SORCS1: variants seen among roughly 807,000 people sequenced by gnomAD.
SORCS1 encodes sortilin related VPS10 domain containing receptor 1.
Under a neutral mutation model 146.1 loss-of-function variants are expected in SORCS1, and 60 were observed. The ratio of observed to expected loss-of-function variants is 0.41; its 90% CI spans 0.33 to 0.51. SORCS1 has a LOEUF of 0.51. SORCS1 is among the 20% of genes least tolerant of loss of function. The pLI, the probability that SORCS1 is intolerant of heterozygous loss-of-function variation, is 0.21. For synonymous variants in SORCS1, 637 were observed against 584.0 expected, an observed-to-expected ratio of 1.09 and a Z score of -1.31; for missense variants, 1,352 against 1,487.6, an observed-to-expected ratio of 0.91 and a Z score of 1.50.
At chr10:106,739,658 A>AAT (rs1368059843) in intron 5 of SORCS1, among the ~76,000 whole-genome samples, 3 of 150,944 alleles carry the variant, frequency 2.0e-5, no homozygotes, top group East Asian at 3.9e-4. Context: ...ATACAAAAAA[A>AAT]ATATATATAT....
At chr10:106,927,954 C>T (rs1160363830) in intron 2 of SORCS1, among the ~76,000 whole-genome samples, 1 of 152,254 alleles carries the variant, frequency 6.6e-6, no homozygotes, top group Non-Finnish European at 1.5e-5. Flanking sequence ...GAGCTAGACA[C>T]AGAGTGCCAA....
At chr10:106,610,398 C>T (rs1028345677) in intron 22 of SORCS1, among the ~76,000 whole-genome samples, 12 of 152,052 alleles carry the variant, frequency 7.9e-5, no homozygotes, top group East Asian at 3.9e-4. Flanking sequence ...TCTGAAATCA[C>T]GGTTTCAACA....
chr10:106,881,482 A>G (rs2137726999), intron 2 of SORCS1, among the ~76,000 whole-genome samples: 1 of 152,342 alleles, frequency 6.6e-6, no homozygotes, highest in East Asian at 1.9e-4. Context: ...CTTTTCAGAG[A>G]AAAAAGCTTG....
chr10:106,687,373 T>C (rs1046118770), intron 10 of SORCS1, among the ~76,000 whole-genome samples: 10 of 152,174 alleles, frequency 6.6e-5, no homozygotes, highest in African/African-American at 1.2e-4. Flanking sequence ...GTAAGGCAAC[T>C]AAAAGAAAGC....
chr10:106,791,426 G>A (rs560895285), intron 3 of SORCS1, among the ~76,000 whole-genome samples: 76 of 152,234 alleles, frequency 5.0e-4, no homozygotes, highest in African/African-American at 1.6e-3. Flanking sequence ...GGCCAGGTAC[G>A]GTGGCTCACA....
intron 9 of SORCS1, among the ~76,000 whole-genome samples, chr10:106,690,396 T>A (rs746548230): frequency 2.0e-4 from 30 of 152,212 alleles, no homozygotes; most frequent in Non-Finnish European, 3.8e-4. Flanking sequence ...GCAGAAGGAA[T>A]AAAAATGTTA....
intron 24 of SORCS1, among the ~76,000 whole-genome samples, chr10:106,592,822 C>T (rs1246324798): frequency 6.6e-6 from 1 of 151,194 alleles, no homozygotes; most frequent in African/African-American, 2.4e-5. Flanking sequence ...TTCCTAGCCA[C>T]CCAAATATTA....
upstream of SORCS1, among the ~76,000 whole-genome samples, chr10:107,164,810 G>A (rs1425936643): frequency 4.7e-5 from 7 of 148,080 alleles, no homozygotes; most frequent in East Asian, 2.0e-4. This position sits in a 1 kb window ranked among gnomAD's most constrained non-coding sequence, Gnocchi z 6.8. Context: ...GACGCGGGAG[G>A]GAGGGCAGGC....
At chr10:106,759,153 A>G (rs1418089536) in intron 5 of SORCS1, among the ~76,000 whole-genome samples, 2 of 152,238 alleles carry the variant, frequency 1.3e-5, no homozygotes, top group African/African-American at 2.4e-5. Flanking sequence ...TTCATATAAA[A>G]GCGAAAGAAT....
chr10:106,605,763 C>T (rs1010803050), intron 23 of SORCS1, among the ~76,000 whole-genome samples: 1 of 152,160 alleles, frequency 6.6e-6, no homozygotes, highest in African/African-American at 2.4e-5. Context: ...ACAGGGCTTT[C>T]CATGAGAGCT....
intron 5 of SORCS1, among the ~76,000 whole-genome samples, chr10:106,743,478 G>T (rs993713211): frequency 1.3e-5 from 2 of 152,042 alleles, no homozygotes; most frequent in Non-Finnish European, 2.9e-5. Context: ...GGAGTGCAGA[G>T]CAATGGTGCG....
rs369084617 is a variant in SORCS1, at chr10:106,726,304, T to A, written c.1024+3746A>T. ...TTTCGACAGGGCTAACTTTTCAAAT[T>A]AAATCCTTTTATTGAATTTTCACCC... On this transcript the variant is annotated intron_variant, in intron 6 of 25. Coordinates refer to ENST00000263054, the MANE Select transcript of SORCS1 (RefSeq NM_052918.5). 1.1e-3 allele frequency among the ~76,000 whole-genome samples: 144 copies of A among 134,074 alleles called. No individual in the cohort carries two copies. In the South Asian group the frequency reaches 0.014, roughly 13 times the overall value. 88.0% of individuals were successfully genotyped at this position (134,074 alleles called of 152,430 possible).
Position 106,709,354 on chromosome 10 carries a change from A to G in SORCS1, c.1025-13T>C. On this transcript the variant is annotated splice_polypyrimidine_tract_variant and intron_variant, in intron 6 of 25. Coordinates refer to ENST00000263054, the MANE Select transcript of SORCS1 (RefSeq NM_052918.5). ...AGATAATGTGAATCTGAAAAACAAAAACAAAAACAAAAACATGGGGTTGAG... is the reference window on the plus strand; with the variant it reads ...AGATAATGTGAATCTGAAAAACAAAGACAAAAACAAAAACATGGGGTTGAG... 6.5e-7 allele frequency: 1 copy of G among 1,542,996 alleles called. No homozygotes were observed. The highest frequency in any genetic ancestry group is 9.0e-7 in the Non-Finnish European group (1 of 1,115,796).
rs865888395 is a variant in SORCS1 at position 106,607,221 on chromosome 10, A to G, written c.3110T>C (p.Leu1037Pro). 1.2e-6 allele frequency: 2 copies of G among 1,614,024 alleles called. No individual in the cohort carries two copies. The highest frequency in any genetic ancestry group is 2.7e-5 in the African/African-American group (2 of 74,922). Residue 1037 changes from leucine to proline, a missense_variant, in exon 23 of 26, where the codon CTA (leucine) becomes CCA (proline). Physicochemically the swap from Leu to Pro is moderately conservative, Grantham distance 98. Coordinates refer to ENST00000263054, the MANE Select transcript of SORCS1 (RefSeq NM_052918.5). ...TTCTCCAGCTGGATCCTGATAGGGT[A>G]GGACAAAGAGTTCAGCAGTGGTGGG... ...GLPTTAELFV[L>P]PYQDPAGENK...
At chr10:107,077,278 TA>T (rs968454719) in intron 1 of SORCS1, among the ~76,000 whole-genome samples, 25 of 152,170 alleles carry the variant, frequency 1.6e-4, no homozygotes. Context: ...TACCATTTAA[TA>T]ACTATTTTCG....
rs1373406632 is a variant in SORCS1 at position 106,607,138 on chromosome 10, A to C, written c.3165+28T>G. On this transcript the variant is annotated intron_variant, in intron 23 of 25. Coordinates refer to ENST00000263054, the MANE Select transcript of SORCS1 (RefSeq NM_052918.5). ...AAGACTCCACAAACGGTTGAAGCTG[A>C]AAACGTCTCCTTTTCCAGGGGACTC... 4.3e-6 allele frequency: 7 copies of C among 1,611,578 alleles called. No individual in the cohort carries two copies. The South Asian group carries it at 7.7e-5, about 18-fold the overall frequency.
At chr10:107,127,305 G>C (rs866983349) in intron 1 of SORCS1, among the ~76,000 whole-genome samples, 73 of 151,840 alleles carry the variant, frequency 4.8e-4, no homozygotes, top group African/African-American at 1.7e-3. Flanking sequence ...CTTGAATATA[G>C]CTCCCTTACT....
At chr10:106,726,200 T>TA (rs995008875) in intron 6 of SORCS1, among the ~76,000 whole-genome samples, 3 of 144,120 alleles carry the variant, frequency 2.1e-5, no homozygotes, top group African/African-American at 7.7e-5. Context: ...TTTTTTTTTT[T>TA]TTTTTTTACA....
Position 106,688,175 on chromosome 10 carries a change from T to G in SORCS1, c.1560+17A>C. The G allele has an allele frequency of 1.2e-6, 2 of 1,610,530 alleles. No homozygotes were observed. Among genetic ancestry groups the G allele is most frequent in the Non-Finnish European group, 1.7e-6 (2 of 1,178,652 alleles). ...CCTCTACTGTGTGAGGCATTCTGCT[T>G]CAATAGGAAGACTCACCAGCAAGCA... On this transcript the variant is annotated intron_variant, in intron 10 of 25. Transcript: ENST00000263054.
Sources: allele counts gnomAD v4.1 joint callset (sites outside exome capture counted in the v4.1 genomes callset), GRCh38; gene constraint gnomAD v4.1.1; non-coding constraint Gnocchi (gnomAD v3.1); transcripts MANE v1.5; gene names NCBI Gene and HGNC (gene_info 2026-07-23, HGNC 2026-07-21).